Variants in DSC1 observed in about 807,000 individuals in gnomAD.
DSC1 encodes desmocollin 1, also known as desmocollin-1.
In DSC1, 79 loss-of-function variants were observed where a neutral mutation model predicts 98.8. The observed-to-expected ratio is 0.80, with a 90% CI of 0.67 to 0.96. The LOEUF (loss-of-function observed/expected upper bound fraction) is 0.96, where lower values mean the gene tolerates loss of function less well. DSC1 is among the 50% of genes least tolerant of loss of function. The pLI, the probability that DSC1 is intolerant of heterozygous loss-of-function variation, is 0.00. For synonymous variants in DSC1, 405 were observed against 372.1 expected, an observed-to-expected ratio of 1.09 and a Z score of -1.02; for missense variants, 1,115 against 1,075.9, an observed-to-expected ratio of 1.04 and a Z score of -0.51.
Position 31,148,609 on chromosome 18 carries a change from C to A in DSC1, c.661G>T (p.Ala221Ser). The A allele has an allele frequency of 6.2e-7, 1 of 1,604,710 alleles. No homozygotes were observed. Among genetic ancestry groups the A allele is most frequent in the South Asian group, 1.1e-5 (1 of 89,950 alleles). The change falls in exon 6 of 16, where the codon GCA becomes TCA. Residue 221 changes from alanine to serine, a missense_variant. Coordinates refer to ENST00000257198, the MANE Select transcript of DSC1 (RefSeq NM_024421.2). ...ATCAAAGGGAGTGGATATTCTGGTG[C>A]ATAGCCATCTGCAGTTGTTGCATAG... ...YGYATTADGY[A>S]PEYPLPLIIK...
intron 11 of DSC1, among the ~76,000 whole-genome samples, chr18:31,139,050 TA>T (rs757798671): frequency 4.3e-4 from 65 of 151,926 alleles, no homozygotes; most frequent in Non-Finnish European, 6.8e-4. Context: ...TACATGTATA[TA>T]AAAATACATA....
intron 13 of DSC1, 95 bp downstream of exon 13, chr18:31,133,796 C>T: frequency 7.9e-7 from 1 of 1,262,088 alleles, no homozygotes. Flanking sequence ...AACACACTTC[C>T]CAAAGGCTAT....
chr18:31,139,711 A>G (rs1789043), intron 11 of DSC1, 37 bp downstream of exon 11: 1,293,538 of 1,516,138 alleles, frequency 0.85, 556,199 homozygotes, highest in Non-Finnish European at 0.88. Context: ...AAAACATGTC[A>G]TATATTTATA....
At chr18:31,150,998 A>C (rs1988991732) in intron 5 of DSC1, 1 of 152,158 alleles carries the variant, frequency 6.6e-6, no homozygotes, top group South Asian at 2.1e-4. Context: ...TAAAGATTCT[A>C]TTGCATCTCT....
chr18:31,152,110 C>T (rs1989011004), intron 5 of DSC1, among the ~76,000 whole-genome samples: 1 of 151,522 alleles, frequency 6.6e-6, no homozygotes, highest in Middle Eastern at 3.4e-3. Context: ...TGCAGTGAGC[C>T]GAGATCGGAT....
chr18:31,160,924 C>T (rs746742515), intron 1 of DSC1, among the ~76,000 whole-genome samples: 7 of 152,004 alleles, frequency 4.6e-5, no homozygotes, highest in Admixed American at 2.6e-4. Context: ...TGCTTACATT[C>T]TAAGAAATGC....
At chr18:31,141,812 A>T (rs185282295) in intron 9 of DSC1, among the ~76,000 whole-genome samples, 187 bp downstream of exon 9, 4 of 152,290 alleles carry the variant, frequency 2.6e-5, no homozygotes, top group Middle Eastern at 3.4e-3. Context: ...TGTACCTGAC[A>T]TGACTTTCTT....
chr18:31,145,717 C>T lies in DSC1; in HGVS notation c.833G>A (p.Arg278His), dbSNP rs767776845. ...DLDEPDTLHT[R>H]LKYKILQQIP... Reference sequence around the variant, plus strand: ...TTGTTGTAAGATTTTATATTTCAGACGAGTATGGAGAGTGTCAGGTTCGTC... The same window carrying T: ...TTGTTGTAAGATTTTATATTTCAGATGAGTATGGAGAGTGTCAGGTTCGTC... Residue 278 changes from arginine to histidine, a missense_variant, in exon 7 of 16, where the codon CGT becomes CAT. By Grantham distance (29) the Arg-to-His change is conservative. Transcript: ENST00000257198. 1.7e-5 allele frequency: 28 copies of T among 1,613,976 alleles called. No individual in the cohort carries two copies. Among genetic ancestry groups the T allele is most frequent in the Non-Finnish European group, 2.2e-5 (26 of 1,180,034 alleles).
intron 6 of DSC1, 22 bp downstream of exon 6, chr18:31,148,476 C>G: frequency 1.9e-6 from 3 of 1,565,522 alleles, no homozygotes; most frequent in Non-Finnish European, 2.6e-6. Flanking sequence ...TCTTGTCATG[C>G]TACAATAAAA....
At chr18:31,140,730 A>C (rs1489131518) in intron 9 of DSC1, among the ~76,000 whole-genome samples, 1 of 152,228 alleles carries the variant, frequency 6.6e-6, no homozygotes, top group African/African-American at 2.4e-5. Flanking sequence ...CTGACTCAAA[A>C]GATAGAATGA....
chr18:31,136,038 CTAAT>C (rs1449449377), intron 11 of DSC1, among the ~76,000 whole-genome samples: 3 of 151,846 alleles, frequency 2.0e-5, no homozygotes, highest in Non-Finnish European at 4.4e-5. Context: ...GACTTTTAAA[CTAAT>C]TGTTTGTATA....
Position 31,142,138 on chromosome 18 carries a change from C to A in DSC1, c.1121G>T (p.Arg374Leu). Residue 374 changes from arginine (R) to leucine (L), a missense_variant, in exon 9 of 16, where the codon CGA (arginine) becomes CTA (leucine). By Grantham distance (102) the Arg-to-Leu change is moderately radical. Coordinates refer to ENST00000257198, the MANE Select transcript of DSC1 (RefSeq NM_024421.2). ...CAAATCCTGATCCTGTACCTTCATTCGTAAAATCTCCACGTCAATTCTGTT... is the reference window on the plus strand; with the variant it reads ...CAAATCCTGATCCTGTACCTTCATTAGTAAAATCTCCACGTCAATTCTGTT... ...EENRIDVEIL[R>L]MKVQDQDLPN... 1.2e-6 allele frequency: 2 copies of A among 1,613,008 alleles called. No homozygotes were observed. The highest frequency in any genetic ancestry group is 1.7e-6 in the Non-Finnish European group (2 of 1,179,654).
At chr18:31,148,037 G>A (rs1371806284) in intron 6 of DSC1, among the ~76,000 whole-genome samples, 1 of 152,236 alleles carries the variant, frequency 6.6e-6, no homozygotes, top group Non-Finnish European at 1.5e-5. Context: ...TGGCCCACGT[G>A]TAAATCCCCT....
chr18:31,146,269 T>C (rs955267267), intron 6 of DSC1, among the ~76,000 whole-genome samples: 15 of 152,274 alleles, frequency 9.9e-5, no homozygotes, highest in East Asian at 1.9e-4. Flanking sequence ...CCCCATTGTT[T>C]GTTGTTCCCA....
rs758598598 is a variant in DSC1 at position 31,162,856 on chromosome 18, T to C, written c.-262A>G. 4.5e-6 allele frequency: 2 copies of C among 448,770 alleles called. No individual in the cohort carries two copies. Among genetic ancestry groups the C allele is most frequent in the Non-Finnish European group, 8.1e-6 (2 of 248,154 alleles). The allele number at this position is 448,770 out of a possible 1,614,324, so 27.8% of individuals were successfully genotyped here. ...AAATGCAAAGAGGCTTTCCTACAAGTGAGGAGGGTGGGGTACAAAACACCC... is the reference window on the plus strand; with the variant it reads ...AAATGCAAAGAGGCTTTCCTACAAGCGAGGAGGGTGGGGTACAAAACACCC... On this transcript the variant is annotated 5_prime_UTR_variant, in exon 1 of 16. Coordinates refer to ENST00000257198, the MANE Select transcript of DSC1 (RefSeq NM_024421.2).
Position 31,131,643 on chromosome 18 carries a change from C to T in DSC1, c.2438G>A (p.Arg813Lys), listed in dbSNP as rs1328495704. 1 of 1,613,992 alleles carries T rather than the reference C, an allele frequency of 6.2e-7. No individual in the cohort carries two copies. The highest frequency in any genetic ancestry group is 8.5e-7 in the Non-Finnish European group (1 of 1,179,996). ...VKGVGQGDTG[R>K]YAYTDWQSFT... ...ACTCTGCCAGTCCGTGTACGCATATCTGCCAGTATCTCCCTGCCCCACTCC... is the reference window on the plus strand; with the variant it reads ...ACTCTGCCAGTCCGTGTACGCATATTTGCCAGTATCTCCCTGCCCCACTCC... The change falls in exon 15 of 16, where the codon AGA becomes AAA. Residue 813 changes from arginine (R) to lysine (K), a missense_variant. By Grantham distance (26) the Arg-to-Lys change is conservative. Transcript: ENST00000257198.
Position 31,132,491 on chromosome 18 carries a change from A to G in DSC1, c.2238+77T>C. Reference sequence around the variant, plus strand: ...GTGCTCAATAAACATTAGTGATATTATCATTGACATTGTTGAGTAATAATC... The same window carrying G: ...GTGCTCAATAAACATTAGTGATATTGTCATTGACATTGTTGAGTAATAATC... On this transcript the variant is annotated intron_variant, in intron 14 of 15. Transcript: ENST00000257198. 3 of 1,557,438 alleles carry G rather than the reference A, an allele frequency of 1.9e-6. No individual in the cohort carries two copies. The Admixed American group carries it at 5.2e-5, about 27-fold the overall frequency.
At chr18:31,132,742 C>A in intron 13 of DSC1, 53 bp from the exon 14 acceptor site, 1 of 1,526,842 alleles carries the variant, frequency 6.5e-7, no homozygotes, top group Non-Finnish European at 8.9e-7. Context: ...CATTTGATTA[C>A]ATGATTTTTT....
chr18:31,139,691 G>C, intron 11 of DSC1, 57 bp downstream of exon 11: 2 of 1,447,908 alleles, frequency 1.4e-6, no homozygotes, highest in South Asian at 3.0e-5. Context: ...TTCACCACAA[G>C]GTTTCCTTAA....
Sources: gnomAD v4.1 joint callset for allele counts (sites outside exome capture counted in the v4.1 genomes callset) on GRCh38, gnomAD v4.1.1 for gene constraint, MANE v1.5 for transcripts, NCBI Gene and HGNC (gene_info 2026-07-23, HGNC 2026-07-21) for gene names.